GPR37: variants seen among roughly 807,000 people sequenced by gnomAD.
GPR37 encodes prosaposin receptor GPR37.
In GPR37, 20 loss-of-function variants were observed where a neutral mutation model predicts 43.6. The ratio of observed to expected loss-of-function variants is 0.46; its 90% CI spans 0.32 to 0.67. GPR37 has a LOEUF of 0.67. Ranked by LOEUF, GPR37 falls within the 30% of genes least tolerant of loss-of-function variation. The pLI is 0.03. For missense variants in GPR37, 724 were observed against 797.2 expected, an observed-to-expected ratio of 0.91 and a Z score of 1.11; for synonymous variants, 315 against 322.6, an observed-to-expected ratio of 0.98 and a Z score of 0.25.
At chr7:124,759,650 C>T (rs988518766) in intron 1 of GPR37, among the ~76,000 whole-genome samples, 1 of 152,062 alleles carries the variant, frequency 6.6e-6, no homozygotes, top group South Asian at 2.1e-4. Flanking sequence ...ATTTGTCCTT[C>T]GACTTTATGA....
chr7:124,747,222 T>C lies in GPR37; in HGVS notation c.1145A>G (p.Lys382Arg). Residue 382 changes from lysine to arginine, a missense_variant, in exon 2 of 2, where the codon AAA becomes AGA. By Grantham distance (26) the Lys-to-Arg change is conservative. Coordinates refer to ENST00000303921, the MANE Select transcript of GPR37 (RefSeq NM_005302.5). The part of the protein sequence containing the change: ...MIENCSSTTA[K>R]LAVIWVGALL... ...AGCTCCCACCCATATAACAGCAAGT[T>C]TGGCAGTTGTTGAGGAACAGTTTTC... is the stretch of plus-strand genomic sequence containing the variant. 9.3e-6 allele frequency: 15 copies of C among 1,613,828 alleles called. No homozygotes were observed. The highest frequency in any genetic ancestry group is 1.3e-5 in the Non-Finnish European group (15 of 1,179,866).
At chr7:124,763,822 A>G in intron 1 of GPR37, 132 bp downstream of exon 1, 2 of 786,964 alleles carry the variant, frequency 2.5e-6, no homozygotes, top group Non-Finnish European at 4.1e-6. Context: ...GATTGGAAAG[A>G]GAAATGAAAG....
chr7:124,746,648 C>T lies in GPR37; in HGVS notation c.1719G>A (p.Gln573=), dbSNP rs1374049348. The T allele has an allele frequency of 1.2e-6, 2 of 1,613,748 alleles. No homozygotes were observed. The highest frequency in any genetic ancestry group is 3.3e-5 in the Admixed American group (2 of 59,962). The change falls in exon 2 of 2, where the codon CAG becomes CAA. Residue 573 remains glutamine (Q), a synonymous_variant. Coordinates refer to ENST00000303921, the MANE Select transcript of GPR37 (RefSeq NM_005302.5). The part of the protein sequence containing the change: ...CCCCCCEECI[Q]KSSTVTSDDN... ...CATCACTGGTCACCGTTGAAGACTT[C>T]TGAATGCATTCCTCACAGCAACAGC...
intron 1 of GPR37, among the ~76,000 whole-genome samples, chr7:124,756,338 A>G (rs1316547702): frequency 6.6e-6 from 1 of 152,212 alleles, no homozygotes; most frequent in East Asian, 1.9e-4. Flanking sequence ...GGCCTCATTA[A>G]TGAATGCTAT....
rs1371815112 is a variant in GPR37, at chr7:124,745,727, T to G, written c.*798A>C. ...CCAAGGGAAAATCTGTAGCTCTATG[T>G]GCTAGTTCAGAGGTGAATTTTTTAA... On this transcript the variant is annotated 3_prime_UTR_variant, in exon 2 of 2. Coordinates refer to ENST00000303921, the MANE Select transcript of GPR37 (RefSeq NM_005302.5). Among the ~76,000 whole-genome samples, 1 of 152,168 alleles carries G rather than the reference T, an allele frequency of 6.6e-6. No homozygotes were observed. The highest frequency in any genetic ancestry group is 1.9e-4 in the East Asian group (1 of 5,196).
rs1793679220 is a variant in GPR37 at position 124,746,982 on chromosome 7, G to C, written c.1385C>G (p.Ser462Cys). ...GCGGATTTTCCTCGCAGTCACTAGAGAGCAGGTGATGGTGAAAAGCGTGGG... is the reference window on the plus strand; with the variant it reads ...GCGGATTTTCCTCGCAGTCACTAGACAGCAGGTGATGGTGAAAAGCGTGGG... ...CLPTLFTITC[S>C]LVTARKIRKA... Residue 462 changes from serine (S) to cysteine (C), a missense_variant, in exon 2 of 2, where the codon TCT becomes TGT. By Grantham distance (112) the Ser-to-Cys change is moderately radical (BLOSUM62 -1). This residue lies in a region of GPR37 where 342 missense variants were observed against 441.8 expected (regional missense o/e 0.77). Transcript: ENST00000303921. The C allele has an allele frequency of 6.2e-7, 1 of 1,613,900 alleles. No homozygotes were observed.
rs141790854 is a variant in GPR37 at position 124,745,473 on chromosome 7, G to T, written c.*1052C>A. On this transcript the variant is annotated 3_prime_UTR_variant, in exon 2 of 2. Transcript: ENST00000303921. ...AGAGTTTATGAAGTATCAAGTTAAA[G>T]GTAGAATGTTCTAATAAAAATATAT... is the stretch of plus-strand genomic sequence containing the variant. Among the ~76,000 whole-genome samples, 90 of 152,104 alleles carry T rather than the reference G, an allele frequency of 5.9e-4. No homozygotes were observed. Among genetic ancestry groups the T allele is most frequent in the African/African-American group, 2.1e-3 (87 of 41,528 alleles).
At chr7:124,754,467 C>A (rs756615769) in intron 1 of GPR37, among the ~76,000 whole-genome samples, 2 of 151,894 alleles carry the variant, frequency 1.3e-5, no homozygotes, top group African/African-American at 4.8e-5. Context: ...CAAAACTTTC[C>A]GGTACAAATC....
At chr7:124,751,343 A>G (rs960359435) in intron 1 of GPR37, among the ~76,000 whole-genome samples, 9 of 152,116 alleles carry the variant, frequency 5.9e-5, no homozygotes, top group African/African-American at 2.2e-4. Context: ...TTTTTTCTGT[A>G]AATTCACTTA....
intron 1 of GPR37, among the ~76,000 whole-genome samples, chr7:124,763,113 A>G (rs182718880): frequency 5.2e-4 from 79 of 152,352 alleles, no homozygotes; most frequent in Admixed American, 1.8e-3. Flanking sequence ...TTTTGTTTCC[A>G]AAGTTTGGAA....
At chr7:124,756,101 A>T (rs1334518956) in intron 1 of GPR37, among the ~76,000 whole-genome samples, 1 of 152,204 alleles carries the variant, frequency 6.6e-6, no homozygotes, top group Non-Finnish European at 1.5e-5. Flanking sequence ...TATAAAAGGC[A>T]GTTATTTCTA....
intron 1 of GPR37, among the ~76,000 whole-genome samples, chr7:124,754,508 G>A (rs536377545): frequency 6.7e-5 from 8 of 119,664 alleles, no homozygotes; most frequent in Non-Finnish European, 1.1e-4. Flanking sequence ...AAGAAAAAAC[G>A]AAACAGTGTC....
At chr7:124,762,205 T>C (rs1793859194) in intron 1 of GPR37, among the ~76,000 whole-genome samples, 1 of 152,162 alleles carries the variant, frequency 6.6e-6, no homozygotes, top group African/African-American at 2.4e-5. Flanking sequence ...TTGCTCAAAA[T>C]GCTTATATCT....
rs1410169017 is a variant in GPR37 at position 124,764,074 on chromosome 7, G to A, written c.903C>T (p.Ala301=). ...YMRSISNSLL[A]NLAFWDFLII... ...TGAGAAAGTCCCAGAAGGCCAGGTT[G>A]GCCAAGAGGGAGTTGGAGATGCTCC... Residue 301 remains alanine, a synonymous_variant, in exon 1 of 2, where the codon GCC becomes GCT. Coordinates refer to ENST00000303921, the MANE Select transcript of GPR37 (RefSeq NM_005302.5). The surrounding 1 kb of genome is among the most constrained non-coding windows in gnomAD (Gnocchi z 5.4). 2 of 1,614,052 alleles carry A rather than the reference G, an allele frequency of 1.2e-6. No individual in the cohort carries two copies. The highest frequency in any genetic ancestry group is 1.7e-5 in the Admixed American group (1 of 60,000).
chr7:124,765,268 G>C lies in GPR37; in HGVS notation c.-292C>G. On this transcript the variant is annotated 5_prime_UTR_variant, in exon 1 of 2. Transcript: ENST00000303921. The stretch of plus-strand genomic sequence containing the variant: ...TAGGCTACTCCCGGTGGCTGACCTT[G>C]AAAAGTTGCAATCAACACCTGACTG... The C allele has an allele frequency of 2.8e-6, 1 of 359,884 alleles. No homozygotes were observed. The highest frequency in any genetic ancestry group is 5.0e-6 in the Non-Finnish European group (1 of 201,334). The allele number at this position is 359,884 out of a possible 1,614,324, so 22.3% of individuals were successfully genotyped here. A position where few individuals can be genotyped will look rare whatever the true frequency, so the allele number is the denominator to read the frequency against.
rs62638682 is a variant in GPR37 at position 124,764,654 on chromosome 7, C to T, written c.323G>A (p.Gly108Glu). Residue 108 changes from glycine (G) to glutamate (E), a missense_variant, in exon 1 of 2, where the codon GGA becomes GAA. Gly to Glu is a moderately conservative substitution (Grantham distance 98, BLOSUM62 -2). Transcript: ENST00000303921. The surrounding 1 kb of genome is among the most constrained non-coding windows in gnomAD (Gnocchi z 5.4). ...TGGCCTGGTTGGAGGTCCCGGGGGT[C>T]CGGCTGCCGACGCCTCCGCCCCTCT... Reference protein sequence around the residue: ...AGRGAEASAAGPPGPPTRPPG... With the variant: ...AGRGAEASAAEPPGPPTRPPG... The T allele has an allele frequency of 2.3e-3, 3,592 of 1,583,670 alleles. 8 individuals are homozygous for T. Among genetic ancestry groups the T allele is most frequent in the Non-Finnish European group, 2.8e-3 (3,271 of 1,165,072 alleles).
In GPR37 at chr7:124,761,674, A is replaced by T. The variant is rs762856406; in HGVS notation, c.1023+2280T>A. On this transcript the variant is annotated intron_variant, in intron 1 of 1. Transcript: ENST00000303921. Reference sequence around the variant, plus strand: ...GTAGGAGAAACCCTAAATACCTCTTACTTTTGTGAAAACATCAGTGCCTCC... The same window carrying T: ...GTAGGAGAAACCCTAAATACCTCTTTCTTTTGTGAAAACATCAGTGCCTCC... Among the ~76,000 whole-genome samples, 6 of 152,102 alleles carry T rather than the reference A, an allele frequency of 3.9e-5. No individual in the cohort carries two copies. The East Asian group carries it at 9.6e-4, about 24-fold the overall frequency.
At chr7:124,754,397 C>T (rs914835247) in intron 1 of GPR37, among the ~76,000 whole-genome samples, 1 of 152,092 alleles carries the variant, frequency 6.6e-6, no homozygotes, top group Admixed American at 6.5e-5. Context: ...GAGAGTAAGA[C>T]GTGAAGTAGA....
In GPR37 at chr7:124,764,054, A is replaced by G; in HGVS notation, c.923T>C (p.Phe308Ser). Reference protein sequence around the residue: ...SLLANLAFWDFLIIFFCLPLV... With the variant: ...SLLANLAFWDSLIIFFCLPLV... ...CGGAAGGCAGAAGAAGATGATGAGAAAGTCCCAGAAGGCCAGGTTGGCCAA... is the reference window on the plus strand; with the variant it reads ...CGGAAGGCAGAAGAAGATGATGAGAGAGTCCCAGAAGGCCAGGTTGGCCAA... The change falls in exon 1 of 2, where the codon TTT (phenylalanine) becomes TCT (serine). Residue 308 changes from phenylalanine to serine, a missense_variant. Physicochemically the swap from Phe to Ser is radical, Grantham distance 155. This residue lies in a region of GPR37 where 342 missense variants were observed against 441.8 expected (regional missense o/e 0.77). Transcript: ENST00000303921. The surrounding 1 kb of genome is among the most constrained non-coding windows in gnomAD (Gnocchi z 5.4). 3.7e-6 allele frequency: 6 copies of G among 1,614,214 alleles called. No homozygotes were observed. The highest frequency in any genetic ancestry group is 5.1e-6 in the Non-Finnish European group (6 of 1,180,028).
Sources: gnomAD v4.1 joint callset for allele counts (sites outside exome capture counted in the v4.1 genomes callset) on GRCh38, gnomAD v4.1.1 for gene constraint, gnomAD v4.1.1 regional missense constraint, Gnocchi (gnomAD v3.1) non-coding constraint, MANE v1.5 for transcripts, NCBI Gene and HGNC (gene_info 2026-07-23, HGNC 2026-07-21) for gene names.